Variants in PHF14 observed in about 807,000 individuals in gnomAD.
The protein encoded by PHF14 is PHD finger protein 14.
A neutral mutation model predicts 117.9 loss-of-function variants in PHF14; 55 were observed. The ratio of observed to expected loss-of-function variants is 0.47; its 90% CI spans 0.38 to 0.58. The LOEUF (loss-of-function observed/expected upper bound fraction) is 0.58, where lower values mean the gene tolerates loss of function less well. Among genes scored for constraint, PHF14 ranks in the 20% least tolerant of loss-of-function variants. PHF14 has a pLI of 0.00. For synonymous variants in PHF14, 409 were observed against 368.6 expected (o/e 1.11, Z -1.26); for missense variants, 978 against 1,122.2 (o/e 0.87, Z 1.84).
intron 16 of PHF14, among the ~76,000 whole-genome samples, chr7:11,086,420 T>C (rs1331504584): frequency 2.0e-5 from 3 of 152,204 alleles, no homozygotes; most frequent in Non-Finnish European, 2.9e-5. Context: ...GCTTTTATTA[T>C]ACTTTATGTT....
chr7:11,140,827 C>T (rs1018514986), intron 17 of PHF14, among the ~76,000 whole-genome samples: 6 of 152,006 alleles, frequency 3.9e-5, no homozygotes, highest in African/African-American at 1.4e-4. Context: ...AAATTGTTCC[C>T]AAGTACTTAC....
intron 16 of PHF14, among the ~76,000 whole-genome samples, chr7:11,098,895 A>C (rs1583464560): frequency 6.6e-6 from 1 of 152,178 alleles, no homozygotes; most frequent in East Asian, 1.9e-4. Context: ...ACTTAAGATA[A>C]ATGTCTTTAG....
intron 13 of PHF14, among the ~76,000 whole-genome samples, chr7:11,047,707 A>G (rs1784716758): frequency 6.6e-6 from 1 of 150,570 alleles, no homozygotes; most frequent in African/African-American, 2.4e-5. Flanking sequence ...AATTGCTTAA[A>G]CCTGGGAGGC....
chr7:11,069,860 A>AT (rs897055607), intron 16 of PHF14, among the ~76,000 whole-genome samples: 39 of 149,850 alleles, frequency 2.6e-4, no homozygotes, highest in African/African-American at 9.4e-4. Flanking sequence ...TTATTTATTT[A>AT]TTTTTTTCTG....
intron 17 of PHF14, among the ~76,000 whole-genome samples, chr7:11,159,564 TA>T (rs1788964690): frequency 6.6e-6 from 1 of 152,104 alleles, no homozygotes; most frequent in Admixed American, 6.6e-5. Context: ...TAAAGATGAT[TA>T]CCACAATAGA....
At chr7:11,093,117 G>A (rs181145471) in intron 16 of PHF14, among the ~76,000 whole-genome samples, 1 of 152,144 alleles carries the variant, frequency 6.6e-6, no homozygotes, top group Admixed American at 6.5e-5. Context: ...TTAACTCATG[G>A]GTTATTTAGA....
chr7:11,085,790 T>G (rs1464710612), intron 16 of PHF14, among the ~76,000 whole-genome samples: 1 of 152,084 alleles, frequency 6.6e-6, no homozygotes, highest in African/African-American at 2.4e-5. Context: ...AACTCCTAGG[T>G]TCAGTCCTTC....
chr7:11,152,958 G>A (rs964261895), intron 17 of PHF14, among the ~76,000 whole-genome samples: 20 of 152,282 alleles, frequency 1.3e-4, no homozygotes, highest in Non-Finnish European at 2.6e-4. Flanking sequence ...TGAGCAGATC[G>A]GAGAACTCAG....
intron 4 of PHF14, among the ~76,000 whole-genome samples, chr7:11,007,989 G>C (rs1173676768): frequency 6.6e-6 from 1 of 152,090 alleles, no homozygotes; most frequent in Non-Finnish European, 1.5e-5. Context: ...AAATATCTTT[G>C]TGGGAAGATC....
Position 11,035,629 on chromosome 7 carries a change from T to C in PHF14, c.1456-11T>C. On this transcript the variant is annotated splice_polypyrimidine_tract_variant and intron_variant, in intron 7 of 17. Transcript: ENST00000634607. ...AAATGTTCACTATTTTTCTGTGCTT[T>C]CTTTGTATAGGATATAGCAGATCCA... 1 of 1,548,818 alleles carries C rather than the reference T, an allele frequency of 6.5e-7. No individual in the cohort carries two copies. The highest frequency in any genetic ancestry group is 8.8e-7 in the Non-Finnish European group (1 of 1,142,386).
At chr7:11,018,186 A>G (rs1229844236) in intron 5 of PHF14, among the ~76,000 whole-genome samples, 1 of 151,958 alleles carries the variant, frequency 6.6e-6, no homozygotes, top group Non-Finnish European at 1.5e-5. Flanking sequence ...ATTTGAAGTC[A>G]GGTAGTATGA....
chr7:11,042,638 A>G (rs770158571), intron 12 of PHF14, 45 bp from the exon 13 acceptor site: 11 of 1,370,934 alleles, frequency 8.0e-6, no homozygotes, highest in African/African-American at 4.4e-5. Flanking sequence ...CTGTTTCACT[A>G]TGATAATTAT....
intron 13 of PHF14, among the ~76,000 whole-genome samples, chr7:11,050,838 T>C (rs2128326489): frequency 6.6e-6 from 1 of 152,320 alleles, no homozygotes; most frequent in East Asian, 1.9e-4. Flanking sequence ...CACCAAATAA[T>C]ATGACCTTTT....
intron 4 of PHF14, among the ~76,000 whole-genome samples, chr7:10,996,897 T>A (rs908526558): frequency 2.6e-5 from 4 of 152,198 alleles, no homozygotes; most frequent in African/African-American, 7.2e-5. Flanking sequence ...GGTCATGGCG[T>A]TAGCTCTCCA....
chr7:11,076,940 C>A (rs1785879284), intron 16 of PHF14, among the ~76,000 whole-genome samples: 1 of 149,882 alleles, frequency 6.7e-6, no homozygotes, highest in South Asian at 2.1e-4. Flanking sequence ...GTTAGTATCT[C>A]AATGGTATAT....
At chr7:11,097,338 A>T (rs1786915489) in intron 16 of PHF14, among the ~76,000 whole-genome samples, 1 of 152,188 alleles carries the variant, frequency 6.6e-6, no homozygotes, top group African/African-American at 2.4e-5. Flanking sequence ...TTATTATGAC[A>T]CCTAAAATAG....
At chr7:11,166,991 A>G (rs1461871799) in intron 17 of PHF14, among the ~76,000 whole-genome samples, 4 of 152,222 alleles carry the variant, frequency 2.6e-5, no homozygotes, top group African/African-American at 4.8e-5. Flanking sequence ...TATATATCTT[A>G]TCCATATATT....
intron 16 of PHF14, 191 bp downstream of exon 16, chr7:11,062,276 T>G: frequency 2.4e-6 from 1 of 411,478 alleles, no homozygotes; most frequent in Non-Finnish European, 4.3e-6. Context: ...TGGATTTAAA[T>G]GTAAATAAGA....
intron 16 of PHF14, among the ~76,000 whole-genome samples, chr7:11,074,937 C>CTTT (rs751367742): frequency 7.6e-6 from 1 of 132,424 alleles, no homozygotes; most frequent in African/African-American, 2.8e-5. Context: ...TTTCAGATAT[C>CTTT]TTTTTTTTTT....
Sources: allele counts gnomAD v4.1 joint callset (sites outside exome capture counted in the v4.1 genomes callset), GRCh38; gene constraint gnomAD v4.1.1; transcripts MANE v1.5; gene names NCBI Gene and HGNC (gene_info 2026-07-23, HGNC 2026-07-21).